ATP10D: variants seen among roughly 807,000 people sequenced by gnomAD.
ATP10D encodes the protein phospholipid-transporting ATPase VD.
In ATP10D, 89 loss-of-function variants were observed where a neutral mutation model predicts 144.8. The ratio of observed to expected loss-of-function variants is 0.61; its 90% CI spans 0.52 to 0.73. The LOEUF is 0.73. ATP10D is among the 30% of genes least tolerant of loss of function. ATP10D has a pLI of 0.00. For missense variants in ATP10D, 1,603 were observed against 1,714.8 expected (o/e 0.93, Z 1.15); for synonymous variants, 571 against 615.1 (o/e 0.93, Z 1.06).
intron 9 of ATP10D, 134 bp downstream of exon 9, chr4:47,537,072 C>G (rs1717896027): frequency 2.9e-6 from 3 of 1,030,746 alleles, no homozygotes; most frequent in South Asian, 3.7e-5. Flanking sequence ...TTCCAGATGG[C>G]CTTTAAACTT....
intron 18 of ATP10D, among the ~76,000 whole-genome samples, chr4:47,574,866 T>TA (rs1348456361): frequency 6.6e-6 from 1 of 152,196 alleles, no homozygotes; most frequent in Non-Finnish European, 1.5e-5. Flanking sequence ...AGTGGCATGA[T>TA]ATCAGCTCAC....
At chr4:47,503,865 C>T (rs1418322662) in intron 1 of ATP10D, among the ~76,000 whole-genome samples, 1 of 151,858 alleles carries the variant, frequency 6.6e-6, no homozygotes, top group African/African-American at 2.4e-5. Context: ...CACCACTGCA[C>T]TCCAGCCTGG....
At chr4:47,564,539 T>TGCCC (rs970562269) in intron 15 of ATP10D, among the ~76,000 whole-genome samples, 1 of 152,108 alleles carries the variant, frequency 6.6e-6, no homozygotes, top group Non-Finnish European at 1.5e-5. Context: ...AGGGAAATCG[T>TGCCC]GCCCTCTTGT....
chr4:47,564,842 G>T (rs184974597), intron 15 of ATP10D, among the ~76,000 whole-genome samples: 7 of 152,336 alleles, frequency 4.6e-5, no homozygotes, highest in African/African-American at 1.7e-4. Context: ...GACTTAACCA[G>T]TGATATCAAT....
At chr4:47,573,126 G>A in intron 18 of ATP10D, 129 bp downstream of exon 18, 2 of 1,152,282 alleles carry the variant, frequency 1.7e-6, no homozygotes, top group South Asian at 3.4e-5. Context: ...AGCCAGGACT[G>A]GTCTTGCTGT....
chr4:47,555,127 C>G (rs1718914546), intron 11 of ATP10D, among the ~76,000 whole-genome samples: 1 of 152,200 alleles, frequency 6.6e-6, no homozygotes, highest in African/African-American at 2.4e-5. Flanking sequence ...CAGTCTGTGG[C>G]CTGTTAGGAA....
At position 47,536,760 on chromosome 4, in the gene ATP10D, T is replaced by C. The variant is rs1200953147; in HGVS notation, c.1218T>C (p.Asp406=). ...KLGQIYFIQS[D]VDFYNEKMDS... Reference sequence around the variant, plus strand: ...GACAAATATATTTCATTCAAAGTGATGTGGATTTCTACAATGAAAAAATGG... The same window carrying C: ...GACAAATATATTTCATTCAAAGTGACGTGGATTTCTACAATGAAAAAATGG... Residue 406 remains aspartate (D), a synonymous_variant, in exon 9 of 23, where the codon GAT becomes GAC. Coordinates refer to ENST00000273859, the MANE Select transcript of ATP10D (RefSeq NM_020453.4). The C allele has an allele frequency of 1.9e-6, 3 of 1,613,320 alleles. No individual in the cohort carries two copies. Among genetic ancestry groups the C allele is most frequent in the East Asian group, 2.2e-5 (1 of 44,890 alleles).
In ATP10D at chr4:47,504,148, C is replaced by CT. The variant is rs1715879894; in HGVS notation, c.-37-8354dup. On this transcript the variant is annotated intron_variant, in intron 1 of 22. Coordinates refer to ENST00000273859, the MANE Select transcript of ATP10D (RefSeq NM_020453.4). ...ATGGAGAATATAAAGGATTATGTAA[C>CT]TTCATTATTCAAGATCCACAGTTTT... Among the ~76,000 whole-genome samples, 7 of 152,238 alleles carry CT rather than the reference C, an allele frequency of 4.6e-5. No individual in the cohort carries two copies. In the South Asian group the frequency reaches 1.2e-3, roughly 27 times the overall value.
chr4:47,513,779 C>A (rs1716487411), intron 2 of ATP10D, among the ~76,000 whole-genome samples: 1 of 152,184 alleles, frequency 6.6e-6, no homozygotes, highest in South Asian at 2.1e-4. Flanking sequence ...GCCAAGTCTG[C>A]AGGCACAATT....
At chr4:47,586,771 A>AAACT (rs1720810162) in intron 21 of ATP10D, among the ~76,000 whole-genome samples, 1 of 152,252 alleles carries the variant, frequency 6.6e-6, no homozygotes, top group South Asian at 2.1e-4. Context: ...AGTATAGAAT[A>AAACT]AACTAATCAA....
intron 10 of ATP10D, among the ~76,000 whole-genome samples, chr4:47,553,385 G>A (rs1001539676): frequency 5.9e-5 from 9 of 152,232 alleles, no homozygotes; most frequent in African/African-American, 2.2e-4. Flanking sequence ...AATAGCACAA[G>A]CCAGTAGAAT....
intron 3 of ATP10D, among the ~76,000 whole-genome samples, chr4:47,516,641 C>A (rs1034408570): frequency 2.6e-5 from 4 of 152,184 alleles, no homozygotes; most frequent in Admixed American, 2.0e-4. Context: ...TATTAGAATT[C>A]TTCAGTGACT....
intron 3 of ATP10D, among the ~76,000 whole-genome samples, chr4:47,520,561 T>TTTTTG (rs1156481129): frequency 1.3e-5 from 2 of 152,010 alleles, no homozygotes; most frequent in Non-Finnish European, 2.9e-5. Flanking sequence ...GGTAACTTCT[T>TTTTTG]TTTTGTTTTG....
Position 47,569,158 on chromosome 4 carries a change from TG to T in ATP10D, c.3163+13del. On this transcript the variant is annotated intron_variant, in intron 16 of 22. Coordinates refer to ENST00000273859, the MANE Select transcript of ATP10D (RefSeq NM_020453.4). Reference sequence around the variant, plus strand: ...GACCCTTGCTATTGGTGAGTGAGGATGAATCTGAGTCCTGCTCTTCTCCCTT... The same window carrying T: ...GACCCTTGCTATTGGTGAGTGAGGATAATCTGAGTCCTGCTCTTCTCCCTT... 1 of 1,607,958 alleles carries T rather than the reference TG, an allele frequency of 6.2e-7. No homozygotes were observed. The highest frequency in any genetic ancestry group is 8.5e-7 in the Non-Finnish European group (1 of 1,176,342).
chr4:47,576,954 G>A lies in ATP10D; in HGVS notation c.3548G>A (p.Arg1183Lys), dbSNP rs16851681. Residue 1183 changes from arginine to lysine, a missense_variant, in exon 19 of 23, where the codon AGA becomes AAA. Arg to Lys is a conservative substitution (Grantham distance 26). Coordinates refer to ENST00000273859, the MANE Select transcript of ATP10D (RefSeq NM_020453.4). ...CTCATGCAACTGCCTGAACTTTACA[G>A]AAGTGGTCAGAAATCAGAGGTAGGT... is the stretch of plus-strand genomic sequence containing the variant. ...ETLMQLPELY[R>K]SGQKSEAYLP... The A allele has an allele frequency of 0.25, 395,924 of 1,613,682 alleles. 50,479 individuals carry two copies. The highest frequency in any genetic ancestry group is 0.38 in the Admixed American group (23,037 of 59,998).
At chr4:47,563,152 A>G (rs1719410981) in intron 14 of ATP10D, among the ~76,000 whole-genome samples, 2 of 152,192 alleles carry the variant, frequency 1.3e-5, no homozygotes, top group African/African-American at 4.8e-5. Flanking sequence ...GGTTACACTG[A>G]GAGCCCAGAT....
intron 6 of ATP10D, 125 bp from the exon 7 acceptor site, chr4:47,535,777 G>A (rs1422919411): frequency 3.7e-6 from 5 of 1,343,724 alleles, no homozygotes; most frequent in Non-Finnish European, 5.0e-6. Flanking sequence ...AAAGCAGATT[G>A]AACTGACAAA....
chr4:47,566,685 G>A (rs929124261), intron 15 of ATP10D, among the ~76,000 whole-genome samples: 4 of 152,114 alleles, frequency 2.6e-5, no homozygotes, highest in African/African-American at 7.2e-5. Context: ...TATAGTTTAT[G>A]TAGTTGCCCC....
chr4:47,498,956 T>C (rs1386466765), intron 1 of ATP10D, among the ~76,000 whole-genome samples: 1 of 152,180 alleles, frequency 6.6e-6, no homozygotes, highest in East Asian at 1.9e-4. Flanking sequence ...GATCACACAC[T>C]GGGAAATTTG....
Sources: allele counts gnomAD v4.1 joint callset (sites outside exome capture counted in the v4.1 genomes callset), GRCh38; gene constraint gnomAD v4.1.1; transcripts MANE v1.5; gene names NCBI Gene and HGNC (gene_info 2026-07-23, HGNC 2026-07-21).